Variants in PDE3B observed in about 807,000 individuals in gnomAD.
The protein encoded by PDE3B is phosphodiesterase 3B.
In PDE3B, 66 loss-of-function variants were observed where a neutral mutation model predicts 116.8. That is an observed-to-expected ratio of 0.56 (90% confidence interval 0.46 to 0.69). PDE3B has a LOEUF of 0.69. Among genes scored for constraint, PDE3B ranks in the 30% least tolerant of loss-of-function variants. The pLI is 0.00. For missense variants in PDE3B, 1,384 were observed against 1,368.1 expected (o/e 1.01, Z -0.18); for synonymous variants, 595 against 533.6 (o/e 1.12, Z -1.59).
At chr11:14,886,068 G>A in the PDE3B span, 1 of 737,984 alleles carries the variant, frequency 1.4e-6, no homozygotes, top group Non-Finnish European at 2.3e-6. Flanking sequence ...AATGTTCAGA[G>A]TGCCCTCCTT....
At chr11:14,848,030 A>G (rs1285974686) in intron 12 of PDE3B, among the ~76,000 whole-genome samples, 2 of 151,978 alleles carry the variant, frequency 1.3e-5, no homozygotes, top group Middle Eastern at 3.4e-3. Flanking sequence ...GCAGAGACAC[A>G]ACCAAAAAAG....
At chr11:14,747,254 A>G (rs1856934271) in intron 1 of PDE3B, among the ~76,000 whole-genome samples, 1 of 152,228 alleles carries the variant, frequency 6.6e-6, no homozygotes, top group South Asian at 2.1e-4. Flanking sequence ...AACTTTGGGA[A>G]TCACATTTCA....
chr11:14,748,988 A>G (rs2133873406), intron 1 of PDE3B, among the ~76,000 whole-genome samples: 1 of 149,830 alleles, frequency 6.7e-6, no homozygotes, highest in Non-Finnish European at 1.5e-5. Context: ...GCCTGGGTTC[A>G]TGTGATTCTC....
chr11:14,843,797 T>C lies in PDE3B; in HGVS notation c.2321-30T>C, dbSNP rs370284830. 4 of 1,553,176 alleles carry C rather than the reference T, an allele frequency of 2.6e-6. No homozygotes were observed. In the African/African-American group the frequency reaches 5.4e-5, roughly 21 times the overall value. On this transcript the variant is annotated intron_variant, in intron 11 of 15. Coordinates refer to ENST00000282096, the MANE Select transcript of PDE3B (RefSeq NM_000922.4). The stretch of plus-strand genomic sequence containing the variant: ...TTGTGAGGAATTTATGTGCTAATGC[T>C]GGTTTATTTTGCTATTTATTGTTTC...
chr11:14,847,282 T>G (rs1590190875), intron 12 of PDE3B, among the ~76,000 whole-genome samples: 1 of 151,514 alleles, frequency 6.6e-6, no homozygotes, highest in South Asian at 2.1e-4. Flanking sequence ...AAGATGTTCT[T>G]TGAAACCAAC....
chr11:14,854,250 T>C (rs1218167382), intron 12 of PDE3B, among the ~76,000 whole-genome samples: 6 of 152,136 alleles, frequency 3.9e-5, no homozygotes, highest in Non-Finnish European at 8.8e-5. Flanking sequence ...ACTAAAACCC[T>C]ATGTTTACCT....
intron 12 of PDE3B, among the ~76,000 whole-genome samples, chr11:14,853,782 G>A (rs1342700165): frequency 2.0e-5 from 3 of 152,212 alleles, no homozygotes; most frequent in African/African-American, 4.8e-5. Context: ...CTGGAGGAAT[G>A]TCAGTATTAA....
At chr11:14,893,588 A>G in the PDE3B span, among the ~76,000 whole-genome samples, 1 of 152,068 alleles carries the variant, frequency 6.6e-6, no homozygotes, top group African/African-American at 2.4e-5. Flanking sequence ...TGTCTTTTTC[A>G]GCTTCTAGAG....
At chr11:14,891,252 G>T in the PDE3B span, 216 of 985,064 alleles carry the variant, frequency 2.2e-4, no homozygotes, top group East Asian at 0.021. Context: ...GACCTCACCG[G>T]CTGGTTATGA....
intron 12 of PDE3B, among the ~76,000 whole-genome samples, chr11:14,855,785 G>A (rs1229427594): frequency 1.3e-5 from 2 of 152,114 alleles, no homozygotes; most frequent in African/African-American, 4.8e-5. Context: ...TGGCATAAGA[G>A]TATTATTTTC....
Position 14,843,888 on chromosome 11 carries a change from T to A in PDE3B, c.2382T>A (p.Asn794Lys). The A allele has an allele frequency of 6.2e-7, 1 of 1,614,152 alleles. No homozygotes were observed. Among genetic ancestry groups the A allele is most frequent in the South Asian group, 1.1e-5 (1 of 91,082 alleles). Residue 794 changes from asparagine (N) to lysine (K), a missense_variant, in exon 12 of 16, where the codon AAT becomes AAA. Physicochemically the swap from Asn to Lys is moderately conservative, Grantham distance 94 (BLOSUM62 0). Around this residue, in one of 2 missense-constraint regions of PDE3B, gnomAD observed 428 missense variants for 561.4 expected, o/e 0.76. Transcript: ENST00000282096. ...ATATTTCTTCGAAGAGCTGCTCTAA[T>A]CCTGATGAGAGTTATGGCTGCCTGT... ...IAYISSKSCS[N>K]PDESYGCLSS...
chr11:14,802,251 T>G (rs1381508420), intron 4 of PDE3B, among the ~76,000 whole-genome samples: 4 of 152,130 alleles, frequency 2.6e-5, no homozygotes, highest in Non-Finnish European at 5.9e-5. Flanking sequence ...CCGCCCAGTT[T>G]TTTGCTTGAA....
intron 9 of PDE3B, 118 bp from the exon 10 acceptor site, chr11:14,832,604 T>C (rs1026949717): frequency 2.3e-6 from 1 of 439,798 alleles, no homozygotes; most frequent in African/African-American, 2.1e-5. Flanking sequence ...AATAAATTAT[T>C]AAAGACGTAT....
chr11:14,834,959 G>T (rs770059041), intron 10 of PDE3B, 23 bp from the exon 11 acceptor site: 6 of 1,427,610 alleles, frequency 4.2e-6, no homozygotes, highest in Non-Finnish European at 5.9e-6. Context: ...AAACCTAACA[G>T]AAAAACGTTT....
At chr11:14,743,587 G>A (rs1043861399) in intron 1 of PDE3B, among the ~76,000 whole-genome samples, 15 of 152,284 alleles carry the variant, frequency 9.9e-5, no homozygotes, top group Admixed American at 2.6e-4. Flanking sequence ...TCTTGCTGGT[G>A]TTCCATGTGC....
intron 2 of PDE3B, chr11:14,776,561 C>T (rs1372441551): frequency 6.6e-6 from 1 of 152,058 alleles, no homozygotes; most frequent in Non-Finnish European, 1.5e-5. Context: ...GTGCAGCGCA[C>T]CAGCATGGCA....
At chr11:14,660,551 AC>A (rs1016596865) in intron 1 of PDE3B, among the ~76,000 whole-genome samples, 8 of 151,614 alleles carry the variant, frequency 5.3e-5, no homozygotes, top group African/African-American at 7.3e-5. Flanking sequence ...TCATCTGCCC[AC>A]CTTGGCCTCC....
Position 14,664,924 on chromosome 11 carries a change from A to G in PDE3B, c.978+19871A>G, listed in dbSNP as rs1487012724. Among the ~76,000 whole-genome samples the G allele has an allele frequency of 2.0e-5, 3 of 152,212 alleles. No individual in the cohort carries two copies. The East Asian group carries it at 5.8e-4, about 29-fold the overall frequency. On this transcript the variant is annotated intron_variant, in intron 1 of 15. Transcript: ENST00000282096. ...CCTCCCTAACTCATTTTATGAGACCAGCATCATCCTGATACCAAAGCCGGG... is the reference window on the plus strand; with the variant it reads ...CCTCCCTAACTCATTTTATGAGACCGGCATCATCCTGATACCAAAGCCGGG...
chr11:14,830,686 AT>A lies in PDE3B; in HGVS notation c.1808-6del. 10 of 1,359,286 alleles carry A rather than the reference AT, an allele frequency of 7.4e-6. No homozygotes were observed. The highest frequency in any genetic ancestry group is 3.1e-5 in the South Asian group (2 of 64,302). 84.2% of individuals were successfully genotyped at this position (1,359,286 alleles called of 1,614,324 possible). ...TTTACTCCTATATATTACTATATAT[AT>A]TTTTTGAAAGGTGAAGAAGAAAACA... On this transcript the variant is annotated splice_polypyrimidine_tract_variant and intron_variant, in intron 7 of 15. Coordinates refer to ENST00000282096, the MANE Select transcript of PDE3B (RefSeq NM_000922.4).
Sources: allele counts gnomAD v4.1 joint callset (sites outside exome capture counted in the v4.1 genomes callset), GRCh38; gene constraint gnomAD v4.1.1; regional missense constraint gnomAD v4.1.1; transcripts MANE v1.5; gene names NCBI Gene and HGNC (gene_info 2026-07-23, HGNC 2026-07-21).